The following CDH18 variants were observed in gnomAD, a reference collection of about 807,000 sequenced individuals.
CDH18 encodes cadherin-18.
In CDH18, 31 loss-of-function variants were observed where a neutral mutation model predicts 67.9. That is an observed-to-expected ratio of 0.46 (90% CI 0.34 to 0.62). The LOEUF (loss-of-function observed/expected upper bound fraction) is 0.62, where lower values mean the gene tolerates loss of function less well. CDH18 is among the 20% of genes least tolerant of loss of function. CDH18 has a pLI of 0.01. For synonymous variants in CDH18, 362 were observed against 347.2 expected (o/e 1.04, Z -0.48); for missense variants, 890 against 975.5 (o/e 0.91, Z 1.17).
intron 2 of CDH18, among the ~76,000 whole-genome samples, chr5:20,103,109 A>G (rs1200186895): frequency 3.9e-5 from 6 of 152,146 alleles, no homozygotes; most frequent in Non-Finnish European, 7.4e-5. Flanking sequence ...AACAAATTCC[A>G]TGCTTGCTTT....
chr5:20,310,146 G>A (rs1736860103), intron 1 of CDH18, among the ~76,000 whole-genome samples: 1 of 152,116 alleles, frequency 6.6e-6, no homozygotes. Flanking sequence ...ATAACTGAAT[G>A]TTTAATGGAA....
At chr5:19,522,868 C>T (rs1244335808) in intron 9 of CDH18, among the ~76,000 whole-genome samples, 1 of 139,138 alleles carries the variant, frequency 7.2e-6, no homozygotes, top group African/African-American at 2.7e-5. Flanking sequence ...GCACTGCAGC[C>T]TGAGTGACAG....
intron 1 of CDH18, among the ~76,000 whole-genome samples, chr5:20,354,748 A>G (rs142186157): frequency 6.6e-6 from 1 of 152,302 alleles, no homozygotes; most frequent in African/African-American, 2.4e-5. Flanking sequence ...TTCAGCAAAG[A>G]ATCAGAAATT....
At chr5:19,512,579 GT>G (rs1259688087) in intron 10 of CDH18, among the ~76,000 whole-genome samples, 1 of 152,076 alleles carries the variant, frequency 6.6e-6, no homozygotes, top group African/African-American at 2.4e-5. Flanking sequence ...TTTTCTAATT[GT>G]TTGTGGTATG....
intron 1 of CDH18, among the ~76,000 whole-genome samples, chr5:20,298,182 ACTAT>A (rs1473024481): frequency 2.0e-5 from 3 of 152,344 alleles, no homozygotes; most frequent in Non-Finnish European, 2.9e-5. Flanking sequence ...AAAAAAGCAA[ACTAT>A]CTATCTCTTT....
intron 2 of CDH18, among the ~76,000 whole-genome samples, chr5:20,177,729 A>T (rs988313095): frequency 6.6e-6 from 1 of 152,046 alleles, no homozygotes; most frequent in African/African-American, 2.4e-5. Context: ...ACCCAGTGGG[A>T]GATAATTGAA....
At chr5:20,483,263 T>A (rs947827914) in intron 1 of CDH18, among the ~76,000 whole-genome samples, 1 of 151,978 alleles carries the variant, frequency 6.6e-6, no homozygotes, top group African/African-American at 2.4e-5. Context: ...TGCCAGAAAT[T>A]GAAGAGGACA....
intron 3 of CDH18, among the ~76,000 whole-genome samples, chr5:19,800,964 A>C (rs1777401307): frequency 6.6e-6 from 1 of 151,744 alleles, no homozygotes; most frequent in Non-Finnish European, 1.5e-5. Context: ...ATTAAAATAC[A>C]AAAAATTAGC....
At position 20,271,088 on chromosome 5, in the gene CDH18, C is replaced by T. The variant is rs560078884; in HGVS notation, c.-579-15583G>A. On this transcript the variant is annotated intron_variant, in intron 1 of 14. Transcript: ENST00000507958. ...ATTTGTGCAGCAAACTTCCATGACACAGTTTGCCTATATGACAAGCCTGCA... is the reference window on the plus strand; with the variant it reads ...ATTTGTGCAGCAAACTTCCATGACATAGTTTGCCTATATGACAAGCCTGCA... 4.6e-5 allele frequency among the ~76,000 whole-genome samples: 7 copies of T among 152,042 alleles called. No homozygotes were observed. The East Asian group carries it at 1.4e-3, about 29-fold the overall frequency.
At chr5:19,779,622 CCA>C (rs1774857078) in intron 3 of CDH18, among the ~76,000 whole-genome samples, 1 of 152,190 alleles carries the variant, frequency 6.6e-6, no homozygotes, top group Middle Eastern at 3.4e-3. Flanking sequence ...TCAGAATTCG[CCA>C]CAGTTTTTTT....
At chr5:20,341,319 GA>G (rs1213600237) in intron 1 of CDH18, among the ~76,000 whole-genome samples, 2 of 152,022 alleles carry the variant, frequency 1.3e-5, no homozygotes, top group Non-Finnish European at 2.9e-5. Context: ...GTAAAGAGAT[GA>G]GACAGGCCTA....
rs1250622834 is a variant in CDH18 at position 20,381,711 on chromosome 5, T to C, written c.-579-126206A>G. Among the ~76,000 whole-genome samples, 7 of 152,194 alleles carry C rather than the reference T, an allele frequency of 4.6e-5. No individual in the cohort carries two copies. The East Asian group carries it at 1.4e-3, about 29-fold the overall frequency. ...GAGAGTCTCCAGAGAGAAGAATATC[T>C]ACAAGGGTGGCCCTGAGAGTCAAAA... On this transcript the variant is annotated intron_variant, in intron 1 of 14. Coordinates refer to the CDH18 transcript ENST00000507958.
chr5:20,283,992 G>T (rs1415459034), intron 1 of CDH18, among the ~76,000 whole-genome samples: 1 of 151,994 alleles, frequency 6.6e-6, no homozygotes, highest in Non-Finnish European at 1.5e-5. Flanking sequence ...AATAAGCCAA[G>T]CACGGAAAGA....
chr5:19,823,809 A>C (rs1361141378), intron 3 of CDH18, among the ~76,000 whole-genome samples: 7 of 152,202 alleles, frequency 4.6e-5, no homozygotes, highest in African/African-American at 1.7e-4. Flanking sequence ...ACACTCTAAG[A>C]TCAACCACAT....
intron 8 of CDH18, among the ~76,000 whole-genome samples, chr5:19,569,550 A>G (rs1741004572): frequency 6.6e-6 from 1 of 152,064 alleles, no homozygotes; most frequent in South Asian, 2.1e-4. Flanking sequence ...CTGGAGTTCA[A>G]GATGCTGTGT....
At chr5:19,692,638 A>C (rs1458232497) in intron 5 of CDH18, among the ~76,000 whole-genome samples, 2 of 152,012 alleles carry the variant, frequency 1.3e-5, no homozygotes, top group African/African-American at 4.8e-5. Flanking sequence ...AATACTAGAT[A>C]TCACTAATCA....
At chr5:19,506,774 A>G (rs1313172923) in intron 10 of CDH18, among the ~76,000 whole-genome samples, 1 of 152,206 alleles carries the variant, frequency 6.6e-6, no homozygotes, top group Non-Finnish European at 1.5e-5. Context: ...TAAAGACTTA[A>G]ATGTTTGACC....
chr5:19,634,149 A>G (rs1752782864), intron 5 of CDH18, among the ~76,000 whole-genome samples: 1 of 152,196 alleles, frequency 6.6e-6, no homozygotes, highest in South Asian at 2.1e-4. Context: ...TTTTTGTCTC[A>G]TCTAATATTA....
Position 20,018,607 on chromosome 5 carries a change from T to C in CDH18, c.-517-26593A>G, listed in dbSNP as rs538399714. On this transcript the variant is annotated intron_variant, in intron 2 of 14. Transcript: ENST00000507958. The stretch of plus-strand genomic sequence containing the variant: ...AAAATATGAGATATCTATGACTGCA[T>C]GACTTTTATAGAATTGGCTTCCCAA... Among the ~76,000 whole-genome samples the C allele has an allele frequency of 7.9e-5, 12 of 152,286 alleles. No homozygotes were observed. The South Asian group carries it at 2.5e-3, about 32-fold the overall frequency.
Sources: allele counts gnomAD v4.1 joint callset (sites outside exome capture counted in the v4.1 genomes callset), GRCh38; gene constraint gnomAD v4.1.1; transcripts MANE v1.5; gene names NCBI Gene and HGNC (gene_info 2026-07-23, HGNC 2026-07-21).